Variants in TRAP1 observed in about 807,000 individuals in gnomAD.
TRAP1 encodes the protein TNF receptor associated protein 1, also known as heat shock protein 75 kDa, mitochondrial.
A neutral mutation model predicts 89.1 loss-of-function variants in TRAP1; 102 were observed. The observed-to-expected ratio is 1.15, with a 90% CI of 0.98 to 1.35. The LOEUF (loss-of-function observed/expected upper bound fraction) is 1.35. Ranked by LOEUF, TRAP1 falls within the 40% of genes most tolerant of loss-of-function variation. TRAP1 has a pLI of 0.00. For missense variants in TRAP1, 1,256 were observed against 945.3 expected (o/e 1.33, Z -4.31); for synonymous variants, 508 against 388.0 (o/e 1.31, Z -3.64).
intron 1 of TRAP1, 64 bp downstream of exon 1, chr16:3,717,357 G>C: frequency 1.5e-6 from 1 of 651,128 alleles, no homozygotes; most frequent in East Asian, 3.7e-5. Flanking sequence ...CCGGAGCACA[G>C]GGACGTCCCT....
At chr16:3,674,956 G>C (rs140193004) in intron 8 of TRAP1, 4 of 328,604 alleles carry the variant, frequency 1.2e-5, no homozygotes, top group Non-Finnish European at 1.7e-5. Context: ...TGCTGGGACT[G>C]GGGGAGGGGC....
chr16:3,677,773 A>G, intron 5 of TRAP1, 115 bp from the exon 6 acceptor site: 2 of 1,255,326 alleles, frequency 1.6e-6, no homozygotes, highest in Non-Finnish European at 2.2e-6. Context: ...AAACAGCCAC[A>G]CCGAGTACTT....
chr16:3,681,252 A>G (rs1175212184), intron 4 of TRAP1, among the ~76,000 whole-genome samples: 3 of 152,112 alleles, frequency 2.0e-5, no homozygotes, highest in African/African-American at 7.2e-5. Context: ...CTTTCTAAAG[A>G]CTTCCTCTCC....
intron 1 of TRAP1, among the ~76,000 whole-genome samples, chr16:3,693,570 ATATC>A (rs2051245717): frequency 6.6e-6 from 1 of 152,210 alleles, no homozygotes; most frequent in Non-Finnish European, 1.5e-5. Context: ...CCCACAGAGC[ATATC>A]AGTGTTTCTC....
rs1567239089 is a variant in TRAP1 at position 3,693,403 on chromosome 16, ATCCCGGG to A, written c.89-2425_89-2419del. On this transcript the variant is annotated intron_variant, in intron 1 of 17. Transcript: ENST00000246957. ...TCGTACAGTTAAAAAAAAAAAAAAA[ATCCCGGG>A]ACATTTCTTCTGGAATTAAATGGTA... Among the ~76,000 whole-genome samples, 15 of 62,668 alleles carry A rather than the reference ATCCCGGG, an allele frequency of 2.4e-4. No individual in the cohort carries two copies. In the East Asian group the frequency reaches 0.017, roughly 72 times the overall value. The allele number at this position is 62,668 out of a possible 152,430, so 41.1% of individuals were successfully genotyped here. A position where few individuals can be genotyped will look rare whatever the true frequency, so the allele number is the denominator to read the frequency against.
chr16:3,670,819 A>G (rs2050903434), intron 11 of TRAP1, among the ~76,000 whole-genome samples: 1 of 152,132 alleles, frequency 6.6e-6, no homozygotes, highest in Admixed American at 6.6e-5. Flanking sequence ...GTGACCTCGC[A>G]GGGCTGGGCA....
At chr16:3,686,461 G>A (rs1391778731) in intron 3 of TRAP1, among the ~76,000 whole-genome samples, 1 of 152,078 alleles carries the variant, frequency 6.6e-6, no homozygotes, top group Non-Finnish European at 1.5e-5. Flanking sequence ...GGGCCCACAG[G>A]CATGCACCAC....
intron 1 of TRAP1, among the ~76,000 whole-genome samples, chr16:3,700,787 C>A (rs925227286): frequency 2.0e-5 from 3 of 152,054 alleles, no homozygotes; most frequent in Non-Finnish European, 4.4e-5. Context: ...TTTCAAACAC[C>A]AGAGTAACCA....
intron 11 of TRAP1, among the ~76,000 whole-genome samples, chr16:3,670,363 A>C (rs911408450): frequency 5.3e-5 from 7 of 133,318 alleles, no homozygotes; most frequent in Non-Finnish European, 9.5e-5. Flanking sequence ...AGCCTGGGCG[A>C]CAGAGCAAGA....
In TRAP1 at chr16:3,664,454, GTCC is replaced by G. The variant is rs1567224419; in HGVS notation, c.1386_1388del (p.Glu462del). The G allele has an allele frequency of 6.2e-7, 1 of 1,609,838 alleles. No homozygotes were observed. The highest frequency in any genetic ancestry group is 1.7e-5 in the Admixed American group (1 of 59,178). On this transcript the variant is annotated inframe_deletion and splice_region_variant, in exon 13 of 18. Coordinates refer to ENST00000246957, the MANE Select transcript of TRAP1 (RefSeq NM_016292.3). ...ACTCGTAGCGCAGCAGCTTTGCTAT[GTCC>G]TCCTAGAAGGGACGGGGCAGGTCAC...
intron 1 of TRAP1, among the ~76,000 whole-genome samples, chr16:3,715,321 C>A (rs540594098): frequency 6.6e-6 from 1 of 152,002 alleles, no homozygotes; most frequent in Non-Finnish European, 1.5e-5. Context: ...GCCTAAAGTC[C>A]CAGCTACTCG....
At position 3,676,129 on chromosome 16, in the gene TRAP1, T is replaced by C. The variant is rs769861450; in HGVS notation, c.721A>G (p.Ile241Val). 7 of 1,613,772 alleles carry C rather than the reference T, an allele frequency of 4.3e-6. No homozygotes were observed. The highest frequency in any genetic ancestry group is 2.7e-5 in the African/African-American group (2 of 74,922). Residue 241 changes from isoleucine (I) to valine (V), a missense_variant, in exon 7 of 18, where the codon ATC becomes GTC. Coordinates refer to ENST00000246957, the MANE Select transcript of TRAP1 (RefSeq NM_016292.3). ...GTTCTAACTCCCGAAGCTTCGGCGA[T>C]TTCAAACACTCCAGAACTAAGGCAG... The part of the protein sequence containing the change: ...WLSDGSGVFE[I>V]AEASGVRTGT...
chr16:3,663,736 A>C (rs1023806111), intron 13 of TRAP1, 174 bp from the exon 14 acceptor site: 1 of 749,826 alleles, frequency 1.3e-6, no homozygotes, highest in Non-Finnish European at 2.1e-6. Context: ...GGGTCTAAGG[A>C]AGGCTCTGAC....
intron 1 of TRAP1, among the ~76,000 whole-genome samples, chr16:3,700,678 C>G (rs2051353501): frequency 6.6e-6 from 1 of 152,098 alleles, no homozygotes; most frequent in Non-Finnish European, 1.5e-5. Context: ...GTTGCCCAGG[C>G]TGGTCTCAAA....
chr16:3,701,399 A>C (rs926683753), intron 1 of TRAP1, among the ~76,000 whole-genome samples: 1 of 152,130 alleles, frequency 6.6e-6, no homozygotes, highest in African/African-American at 2.4e-5. Flanking sequence ...CCAAAAAATA[A>C]AACAGAAGCC....
At position 3,663,418 on chromosome 16, in the gene TRAP1, G is replaced by A; in HGVS notation, c.1708+6C>T. 6.2e-7 allele frequency: 1 copy of A among 1,614,076 alleles called. No homozygotes were observed. The highest frequency in any genetic ancestry group is 8.5e-7 in the Non-Finnish European group (1 of 1,179,998). On this transcript the variant is annotated splice_donor_region_variant and intron_variant, in intron 14 of 17. Transcript: ENST00000246957. ...GCCCCACGCCTAGAGAGCAGGGGAT[G>A]CCGACCTGGGGACCTGTCCTCAAAC...
intron 3 of TRAP1, among the ~76,000 whole-genome samples, chr16:3,687,750 A>G (rs575704776): frequency 6.6e-6 from 1 of 150,916 alleles, no homozygotes; most frequent in East Asian, 2.0e-4. Flanking sequence ...CCAGAGGCTG[A>G]GGAGGAAGGA....
intron 1 of TRAP1, among the ~76,000 whole-genome samples, chr16:3,694,160 A>G (rs978863853): frequency 3.3e-5 from 5 of 151,874 alleles, no homozygotes; most frequent in Non-Finnish European, 5.9e-5. Context: ...CTCTTGTCAC[A>G]TGGCAAGCTC....
rs375238398 is a variant in TRAP1 at position 3,690,882 on chromosome 16, G to C, written c.192C>G (p.Ala64=). ...AGTGCAGGGGTTCCTCCTTGTCCTC[G>C]GCGGTCTGCGTGCTGAACAGTCGTC... ...QAGRLFSTQT[A]EDKEEPLHSI... Residue 64 remains alanine (A), a synonymous_variant, in exon 2 of 18, where the codon GCC becomes GCG. Coordinates refer to ENST00000246957, the MANE Select transcript of TRAP1 (RefSeq NM_016292.3). The C allele has an allele frequency of 5.4e-5, 85 of 1,586,036 alleles. No individual in the cohort carries two copies. Among genetic ancestry groups the C allele is most frequent in the Middle Eastern group, 1.7e-4 (1 of 5,998 alleles).
Sources: allele counts gnomAD v4.1 joint callset (sites outside exome capture counted in the v4.1 genomes callset), GRCh38; gene constraint gnomAD v4.1.1; transcripts MANE v1.5; gene names NCBI Gene and HGNC (gene_info 2026-07-23, HGNC 2026-07-21).